The following NKAIN3 variants were observed in gnomAD, a reference collection of about 807,000 sequenced individuals.
NKAIN3 encodes the protein sodium/potassium-transporting ATPase subunit beta-1-interacting protein 3.
Under a neutral mutation model 30.2 loss-of-function variants are expected in NKAIN3, and 25 were observed. That is an observed-to-expected ratio of 0.83 (90% confidence interval 0.60 to 1.16). The LOEUF (loss-of-function observed/expected upper bound fraction) is 1.16, where lower values mean the gene tolerates loss of function less well. Among genes scored for constraint, NKAIN3 ranks in the 50% most tolerant of loss-of-function variants. The pLI, the probability that NKAIN3 is intolerant of heterozygous loss-of-function variation, is 0.00. For synonymous variants in NKAIN3, 91 were observed against 89.6 expected, an observed-to-expected ratio of 1.02 and a Z score of -0.09; for missense variants, 225 against 254.1, an observed-to-expected ratio of 0.89 and a Z score of 0.78.
intron 4 of NKAIN3, among the ~76,000 whole-genome samples, chr8:62,899,700 A>G (rs545499341): frequency 3.9e-5 from 6 of 152,314 alleles, no homozygotes; most frequent in Non-Finnish European, 7.4e-5. Context: ...ACTATAGTCT[A>G]TAATAACTTA....
rs1823862820 is a variant in NKAIN3 at position 62,972,863 on chromosome 8, C to T, written c.*7456C>T. 6.6e-6 allele frequency among the ~76,000 whole-genome samples: 1 copy of T among 151,320 alleles called. No individual in the cohort carries two copies. On this transcript the variant is annotated 3_prime_UTR_variant, in exon 7 of 7. Coordinates refer to ENST00000623646, the MANE Select transcript of NKAIN3 (RefSeq NM_001304533.3). ...CCAACAGGCCCTGGTGTGTGATGTT[C>T]CCCTCCCTGTGCCCATATGTTCTCA...
intron 1 of NKAIN3, among the ~76,000 whole-genome samples, chr8:62,517,887 T>C (rs533170863): frequency 3.3e-5 from 5 of 152,180 alleles, no homozygotes; most frequent in African/African-American, 1.2e-4. Flanking sequence ...CTGGAGAAAC[T>C]ATATCTATAT....
intron 1 of NKAIN3, among the ~76,000 whole-genome samples, chr8:62,510,827 TC>T (rs564748103): frequency 1.3e-5 from 2 of 152,200 alleles, no homozygotes; most frequent in African/African-American, 4.8e-5. Flanking sequence ...CTTGACCTCT[TC>T]TTTCACCTGT....
intron 4 of NKAIN3, among the ~76,000 whole-genome samples, chr8:62,834,091 T>C (rs766528789): frequency 1.3e-5 from 2 of 152,118 alleles, no homozygotes; most frequent in Non-Finnish European, 2.9e-5. Flanking sequence ...ATGATCTCAA[T>C]AGATGTAGAA....
chr8:62,405,840 G>A (rs1447975440), intron 1 of NKAIN3, among the ~76,000 whole-genome samples: 4 of 152,132 alleles, frequency 2.6e-5, no homozygotes, highest in Non-Finnish European at 5.9e-5. Context: ...GCTCTGCCTC[G>A]ACATTCAAGT....
chr8:62,365,314 A>G (rs1285867325), intron 1 of NKAIN3, among the ~76,000 whole-genome samples: 1 of 152,096 alleles, frequency 6.6e-6, no homozygotes, highest in African/African-American at 2.4e-5. Context: ...ATTTTTTCCA[A>G]TAATCTCTTA....
intron 1 of NKAIN3, among the ~76,000 whole-genome samples, chr8:62,476,204 T>G (rs147490609): frequency 7.2e-4 from 109 of 152,306 alleles, no homozygotes; most frequent in African/African-American, 2.5e-3. Flanking sequence ...ATGGCATATA[T>G]TTCAAGGGAA....
chr8:62,697,470 T>C (rs1563520892), intron 3 of NKAIN3, among the ~76,000 whole-genome samples: 1 of 152,210 alleles, frequency 6.6e-6, no homozygotes, highest in African/African-American at 2.4e-5. Context: ...CTATCCTCAT[T>C]ACCCCCTAAT....
chr8:62,745,578 T>A (rs1360342005), intron 3 of NKAIN3, among the ~76,000 whole-genome samples: 1 of 152,190 alleles, frequency 6.6e-6, no homozygotes, highest in Non-Finnish European at 1.5e-5. Flanking sequence ...TTCTTTTCAA[T>A]CTATTGTTTA....
At chr8:62,343,685 C>T (rs1202622569) in intron 1 of NKAIN3, among the ~76,000 whole-genome samples, 3 of 151,792 alleles carry the variant, frequency 2.0e-5, no homozygotes, top group South Asian at 2.1e-4. Context: ...GTGACACATG[C>T]CTGTAGTCCC....
intron 4 of NKAIN3, among the ~76,000 whole-genome samples, chr8:62,761,057 C>T (rs1279712112): frequency 1.3e-5 from 2 of 152,026 alleles, no homozygotes; most frequent in African/African-American, 4.8e-5. Flanking sequence ...GTAGGTTTGT[C>T]CTAGAAGGAT....
intron 1 of NKAIN3, among the ~76,000 whole-genome samples, chr8:62,418,893 G>A (rs1402214206): frequency 6.6e-6 from 1 of 152,164 alleles, no homozygotes; most frequent in Non-Finnish European, 1.5e-5. Flanking sequence ...ATGAACCAGG[G>A]AAGGTTGTAG....
At chr8:62,277,912 T>A (rs558295098) in intron 1 of NKAIN3, among the ~76,000 whole-genome samples, 83 of 152,296 alleles carry the variant, frequency 5.4e-4, no homozygotes, top group African/African-American at 1.8e-3. Flanking sequence ...GATCTTGAGA[T>A]AAAGGAGACT....
chr8:62,839,364 G>C (rs940631665), intron 4 of NKAIN3, among the ~76,000 whole-genome samples: 2 of 149,042 alleles, frequency 1.3e-5, no homozygotes, highest in African/African-American at 4.9e-5. Flanking sequence ...AATCACCTTT[G>C]TCTCTATCAA....
intron 4 of NKAIN3, among the ~76,000 whole-genome samples, chr8:62,773,610 A>G (rs1057116461): frequency 2.6e-5 from 4 of 152,120 alleles, no homozygotes; most frequent in Non-Finnish European, 2.9e-5. Context: ...TAATTGCATC[A>G]TGGGGGCAGA....
chr8:62,876,954 T>A (rs1206208746), intron 4 of NKAIN3, among the ~76,000 whole-genome samples: 2 of 150,438 alleles, frequency 1.3e-5, no homozygotes, highest in African/African-American at 2.5e-5. Context: ...AAAGAAAAAA[T>A]TTTCAATAAA....
intron 3 of NKAIN3, among the ~76,000 whole-genome samples, chr8:62,661,441 A>G (rs1447244488): frequency 1.3e-5 from 2 of 152,192 alleles, no homozygotes; most frequent in Non-Finnish European, 2.9e-5. Context: ...AATTTTCTCT[A>G]GCTGTTTGAA....
chr8:62,388,261 G>T (rs866811873), intron 1 of NKAIN3, among the ~76,000 whole-genome samples: 1 of 152,286 alleles, frequency 6.6e-6, no homozygotes, highest in East Asian at 1.9e-4. Flanking sequence ...CCCCAAAATT[G>T]TTCTTCTGTT....
At chr8:62,707,136 C>T (rs1814554929) in intron 3 of NKAIN3, among the ~76,000 whole-genome samples, 1 of 151,734 alleles carries the variant, frequency 6.6e-6, no homozygotes, top group Non-Finnish European at 1.5e-5. Flanking sequence ...GATTGATGAG[C>T]ATTTTGGTTG....
Sources: allele counts gnomAD v4.1 joint callset (sites outside exome capture counted in the v4.1 genomes callset), GRCh38; gene constraint gnomAD v4.1.1; transcripts MANE v1.5; gene names NCBI Gene and HGNC (gene_info 2026-07-23, HGNC 2026-07-21).